The following DOCK4 variants were observed in gnomAD, a reference collection of about 807,000 sequenced individuals.
The protein encoded by DOCK4 is dedicator of cytokinesis 4.
In DOCK4, 97 loss-of-function variants were observed where a neutral mutation model predicts 268.1. The ratio of observed to expected loss-of-function variants is 0.36; its 90% confidence interval spans 0.31 to 0.43. DOCK4 has a LOEUF of 0.43. Ranked by LOEUF, DOCK4 falls within the 20% of genes least tolerant of loss-of-function variation. The probability of loss-of-function intolerance (pLI) is 1.00; values close to 1 mark genes in which losing one functional copy is unlikely to be tolerated. For missense variants in DOCK4, 2,145 were observed against 2,455.7 expected, an observed-to-expected ratio of 0.87 and a Z score of 2.67; for synonymous variants, 954 against 887.2, an observed-to-expected ratio of 1.08 and a Z score of -1.34.
At chr7:111,861,602 C>T (rs923489892) in intron 23 of DOCK4, among the ~76,000 whole-genome samples, 2 of 151,720 alleles carry the variant, frequency 1.3e-5, no homozygotes, top group African/African-American at 2.4e-5. Context: ...AAAAATTAGC[C>T]AGGCATGATG....
At chr7:111,891,236 A>C (rs1586282179) in intron 16 of DOCK4, among the ~76,000 whole-genome samples, 1 of 152,256 alleles carries the variant, frequency 6.6e-6, no homozygotes, top group Middle Eastern at 3.4e-3. Flanking sequence ...CCACTAACAA[A>C]AAATTTAAGC....
intron 1 of DOCK4, among the ~76,000 whole-genome samples, chr7:112,039,964 C>T (rs944150137): frequency 1.3e-5 from 2 of 152,058 alleles, no homozygotes; most frequent in Non-Finnish European, 2.9e-5. Flanking sequence ...ATTGTAATTG[C>T]CTTATTCATA....
intron 2 of DOCK4, among the ~76,000 whole-genome samples, chr7:112,001,241 T>A (rs1429609398): frequency 6.6e-6 from 1 of 152,184 alleles, no homozygotes; most frequent in African/African-American, 2.4e-5. Context: ...TTTCAGTTAC[T>A]CATGGTCAAC....
chr7:111,759,288 T>G (rs564227577), intron 40 of DOCK4, among the ~76,000 whole-genome samples: 2 of 152,338 alleles, frequency 1.3e-5, no homozygotes, highest in East Asian at 3.9e-4. Context: ...TCTGTGTGAT[T>G]ATCTGTGTCC....
intron 1 of DOCK4, among the ~76,000 whole-genome samples, chr7:112,037,019 C>T (rs1250012548): frequency 1.3e-5 from 2 of 152,140 alleles, no homozygotes; most frequent in African/African-American, 2.4e-5. Flanking sequence ...AGAAACCACA[C>T]TTCAAATTTT....
At position 111,774,480 on chromosome 7, in the gene DOCK4, A is replaced by T. The variant is rs111374344; in HGVS notation, c.3679+3796T>A. On this transcript the variant is annotated intron_variant, in intron 36 of 52. Transcript: ENST00000428084. ...AGACTCTGTCTCAAAAGCAAAACAA[A>T]ACAAAAAAATCTGGAAAAAATGCAA... Among the ~76,000 whole-genome samples the T allele has an allele frequency of 2.9e-3, 436 of 152,198 alleles. 2 individuals carry two copies. The highest frequency in any genetic ancestry group is 9.9e-3 in the African/African-American group (412 of 41,530).
chr7:111,829,319 G>T (rs1460438878), intron 26 of DOCK4, among the ~76,000 whole-genome samples: 1 of 152,168 alleles, frequency 6.6e-6, no homozygotes, highest in African/African-American at 2.4e-5. Context: ...GAAAAGCTGA[G>T]TTTAGCTGCC....
intron 13 of DOCK4, among the ~76,000 whole-genome samples, chr7:111,907,162 C>A (rs1162904522): frequency 4.6e-5 from 7 of 152,128 alleles, no homozygotes; most frequent in African/African-American, 1.7e-4. Context: ...AATTCTCACA[C>A]AAGATACACT....
chr7:111,772,035 C>T (rs190296842), intron 36 of DOCK4, among the ~76,000 whole-genome samples: 1 of 152,292 alleles, frequency 6.6e-6, no homozygotes, highest in Admixed American at 6.5e-5. Context: ...GCAGTGATGA[C>T]TTCAAGGGCG....
intron 1 of DOCK4, among the ~76,000 whole-genome samples, chr7:112,144,568 T>G (rs573618596): frequency 1.3e-5 from 2 of 152,300 alleles, no homozygotes; most frequent in African/African-American, 4.8e-5. Flanking sequence ...CTAGGTCAGA[T>G]CTAGGAGGAC....
At chr7:111,863,592 A>G in intron 22 of DOCK4, 28 bp from the exon 23 acceptor site, 1 of 1,551,020 alleles carries the variant, frequency 6.4e-7, no homozygotes, top group Non-Finnish European at 8.7e-7. Flanking sequence ...ATTTAAATCA[A>G]CTCCCAGATA....
intron 1 of DOCK4, among the ~76,000 whole-genome samples, chr7:112,172,536 C>A (rs1818177336): frequency 6.6e-6 from 1 of 152,136 alleles, no homozygotes; most frequent in Admixed American, 6.5e-5. Context: ...ATATTCACTG[C>A]CAGTATTAAA....
rs371416256 is a variant in DOCK4, at chr7:111,936,485, A to AATGAATGGATGGATGGATGG, written c.978-858_978-857insCCATCCATCCATCCATTCAT. Among the ~76,000 whole-genome samples, 5 of 148,176 alleles carry AATGAATGGATGGATGGATGG rather than the reference A, an allele frequency of 3.4e-5. No individual in the cohort carries two copies. The East Asian group carries it at 1.0e-3, about 30-fold the overall frequency. On this transcript the variant is annotated intron_variant, in intron 11 of 52. Transcript: ENST00000428084. ...ATGCTTAAAAACTGTCAGTGGTATGAATGGATGGATGGATGGATGGATGGA... is the reference window on the plus strand; with the variant it reads ...ATGCTTAAAAACTGTCAGTGGTATGAATGAATGGATGGATGGATGGATGGATGGATGGATGGATGGATGGA...
intron 1 of DOCK4, among the ~76,000 whole-genome samples, chr7:112,203,281 C>G (rs12537746): frequency 0.61 from 92,742 of 152,062 alleles, 31,700 homozygotes; most frequent in Non-Finnish European, 0.76. Context: ...TTCCTCAGAA[C>G]TATAACTTCA....
chr7:112,029,750 A>G (rs1472112821), intron 1 of DOCK4, among the ~76,000 whole-genome samples: 2 of 152,246 alleles, frequency 1.3e-5, no homozygotes, highest in Admixed American at 1.3e-4. Flanking sequence ...TGTCCACAGA[A>G]GGAGATACTA....
chr7:111,984,160 A>G (rs1285040979), intron 7 of DOCK4, 146 bp downstream of exon 7: 1 of 672,484 alleles, frequency 1.5e-6, no homozygotes, highest in Non-Finnish European at 2.5e-6. Context: ...TACTGAGGGC[A>G]TGGTCACCTC....
chr7:111,980,943 G>T (rs1325187328), intron 7 of DOCK4, among the ~76,000 whole-genome samples: 1 of 152,194 alleles, frequency 6.6e-6, no homozygotes, highest in Non-Finnish European at 1.5e-5. Context: ...CTTGCCTTTG[G>T]CACTAAACCA....
intron 1 of DOCK4, among the ~76,000 whole-genome samples, chr7:112,091,626 G>A (rs1809636295): frequency 6.6e-6 from 1 of 152,080 alleles, no homozygotes; most frequent in African/African-American, 2.4e-5. Context: ...TGCAGAAACG[G>A]ACGCAGAGCC....
chr7:112,152,167 A>G (rs73438642), intron 1 of DOCK4, among the ~76,000 whole-genome samples: 1,990 of 152,320 alleles, frequency 0.013, 37 homozygotes, highest in African/African-American at 0.046. Context: ...GAGAAGCTAA[A>G]GAAAAAATAA....
Sources: gnomAD v4.1 joint callset for allele counts (sites outside exome capture counted in the v4.1 genomes callset) on GRCh38, gnomAD v4.1.1 for gene constraint, MANE v1.5 for transcripts, NCBI Gene and HGNC (gene_info 2026-07-23, HGNC 2026-07-21) for gene names.